ICE2: variants seen among roughly 807,000 people sequenced by gnomAD.
ICE2 encodes the protein little elongation complex subunit 2.
In ICE2, 87 loss-of-function variants were observed where a neutral mutation model predicts 105.4. The ratio of observed to expected loss-of-function variants is 0.83; its 90% CI spans 0.69 to 0.99. The LOEUF (loss-of-function observed/expected upper bound fraction) is 0.99. Ranked by LOEUF, ICE2 falls within the 50% of genes least tolerant of loss-of-function variation. ICE2 has a pLI of 0.00. For synonymous variants in ICE2, 399 were observed against 392.0 expected, an observed-to-expected ratio of 1.02 and a Z score of -0.21; for missense variants, 1,323 against 1,146.7, an observed-to-expected ratio of 1.15 and a Z score of -2.22.
intron 13 of ICE2, among the ~76,000 whole-genome samples, chr15:60,435,483 C>T (rs1442010683): frequency 1.3e-5 from 2 of 151,884 alleles, no homozygotes; most frequent in Non-Finnish European, 2.9e-5. Context: ...CCTGTAATCC[C>T]AGCTACTCAG....
At chr15:60,428,386 A>G (rs1189932124) in intron 15 of ICE2, 43 bp downstream of exon 15, 2 of 1,580,990 alleles carry the variant, frequency 1.3e-6, no homozygotes, top group South Asian at 2.3e-5. Context: ...ATAGACGAAT[A>G]ATAAACAACC....
At chr15:60,468,020 T>G in intron 4 of ICE2, 41 bp downstream of exon 4, 1 of 1,463,486 alleles carries the variant, frequency 6.8e-7, no homozygotes, top group Non-Finnish European at 9.1e-7. Context: ...ATTTCCTAAT[T>G]TTTATTATTT....
rs2064016264 is a variant in ICE2, at chr15:60,453,469, T to A, written c.1125+134A>T. On this transcript the variant is annotated intron_variant, in intron 9 of 15. Coordinates refer to ENST00000261520, the MANE Select transcript of ICE2 (RefSeq NM_024611.6). ...TTAGTTGCCTAAAGTCCAGCTAGACTCGAAATTCAATTTCAGTTTGAATCT... is the reference window on the plus strand; with the variant it reads ...TTAGTTGCCTAAAGTCCAGCTAGACACGAAATTCAATTTCAGTTTGAATCT... 3 of 1,431,978 alleles carry A rather than the reference T, an allele frequency of 2.1e-6. No homozygotes were observed. In the Admixed American group the frequency reaches 8.8e-5, roughly 42 times the overall value. 88.7% of individuals were successfully genotyped at this position (1,431,978 alleles called of 1,614,324 possible). A position where few individuals can be genotyped will look rare whatever the true frequency, so the allele number is the denominator to read the frequency against.
At chr15:60,451,345 T>C (rs1048582675) in intron 9 of ICE2, 1 of 911,580 alleles carries the variant, frequency 1.1e-6, no homozygotes, top group Non-Finnish European at 1.3e-6. Flanking sequence ...TATAAATTAA[T>C]ATACAAAGAA....
At chr15:60,440,819 C>A (rs1248267205) in intron 12 of ICE2, 1 of 152,150 alleles carries the variant, frequency 6.6e-6, no homozygotes, top group Admixed American at 6.6e-5. Flanking sequence ...AATCCCACAA[C>A]CATACAATAT....
At chr15:60,462,302 T>C (rs942731723) in intron 5 of ICE2, among the ~76,000 whole-genome samples, 2 of 152,128 alleles carry the variant, frequency 1.3e-5, no homozygotes, top group Non-Finnish European at 2.9e-5. Flanking sequence ...TTAGTTGACA[T>C]AAAATTTCAG....
chr15:60,430,181 G>A (rs989601378), intron 14 of ICE2, among the ~76,000 whole-genome samples: 2 of 152,104 alleles, frequency 1.3e-5, no homozygotes, highest in South Asian at 4.1e-4. Flanking sequence ...GAAGAAGAAG[G>A]CAGAAGAGAC....
rs185107772 is a variant in ICE2 at position 60,434,347 on chromosome 15, G to A, written c.2510+1796C>T. ...GACTGTACTATCCTTTCCCTTTCCT[G>A]TAATGGAGTAAAACGTTTGCTTCCC... On this transcript the variant is annotated intron_variant, in intron 13 of 15. Coordinates refer to ENST00000261520, the MANE Select transcript of ICE2 (RefSeq NM_024611.6). Among the ~76,000 whole-genome samples, 171 of 152,238 alleles carry A rather than the reference G, an allele frequency of 1.1e-3. 3 individuals carry two copies. The highest frequency in any genetic ancestry group is 3.9e-3 in the African/African-American group (161 of 41,518).
chr15:60,479,118 C>T lies in ICE2; in HGVS notation c.-208G>A. ...AGACCATATTTAAAGGATGTGGCCGCGCCGACTCGGCCCTGCGTGATGACG... is the reference window on the plus strand; with the variant it reads ...AGACCATATTTAAAGGATGTGGCCGTGCCGACTCGGCCCTGCGTGATGACG... On this transcript the variant is annotated 5_prime_UTR_variant, in exon 1 of 16. Transcript: ENST00000261520. 2.4e-6 allele frequency: 1 copy of T among 423,150 alleles called. No individual in the cohort carries two copies. Among genetic ancestry groups the T allele is most frequent in the Admixed American group, 2.4e-5 (1 of 41,076 alleles). 26.2% of individuals were successfully genotyped at this position (423,150 alleles called of 1,614,324 possible).
chr15:60,456,259 T>C (rs2141093500), intron 6 of ICE2, among the ~76,000 whole-genome samples: 1 of 151,348 alleles, frequency 6.6e-6, no homozygotes, highest in South Asian at 2.1e-4. Flanking sequence ...AAAATATACA[T>C]GAGCCAGGTG....
At position 60,449,348 on chromosome 15, in the gene ICE2, T is replaced by A; in HGVS notation, c.1619A>T (p.Glu540Val). 4 of 1,613,312 alleles carry A rather than the reference T, an allele frequency of 2.5e-6. No homozygotes were observed. The highest frequency in any genetic ancestry group is 3.4e-6 in the Non-Finnish European group (4 of 1,179,952). The change falls in exon 10 of 16, where the codon GAA becomes GTA. Residue 540 changes from glutamate to valine, a missense_variant. By Grantham distance (121) the Glu-to-Val change is moderately radical. Coordinates refer to ENST00000261520, the MANE Select transcript of ICE2 (RefSeq NM_024611.6). ...TAGGTTTTCTAGAACATTAGGTCTT[T>A]CACCATCAGCATGTAATATATCTAT... is the stretch of plus-strand genomic sequence containing the variant. ...MTIDILHADGERPNVLENLDN... is the reference protein window; with the variant it reads ...MTIDILHADGVRPNVLENLDN...
chr15:60,452,231 A>G, intron 9 of ICE2: 1 of 934,976 alleles, frequency 1.1e-6, no homozygotes, highest in Non-Finnish European at 1.3e-6. Context: ...GGCAAATGGC[A>G]AAGAGAAAAA....
Position 60,448,889 on chromosome 15 carries a change from G to C in ICE2, c.2078C>G (p.Pro693Arg). The change falls in exon 10 of 16, where the codon CCG (proline) becomes CGG (arginine). Residue 693 changes from proline to arginine, a missense_variant. Coordinates refer to ENST00000261520, the MANE Select transcript of ICE2 (RefSeq NM_024611.6). ...AAATGCAGAAGGCCATCCAGATTTC[G>C]GCCAACTAGAGGAGTCTGAAGGACC... ...LSGPSDSSSW[P>R]KSGWPSAFQK... 2.5e-6 allele frequency: 4 copies of C among 1,599,328 alleles called. No homozygotes were observed. The South Asian group carries it at 4.6e-5, about 18-fold the overall frequency.
At chr15:60,466,111 C>G (rs896371550) in intron 5 of ICE2, among the ~76,000 whole-genome samples, 16 of 152,068 alleles carry the variant, frequency 1.1e-4, no homozygotes, top group South Asian at 2.1e-4. Flanking sequence ...AGGGTACAAG[C>G]TGGGATGATA....
intron 8 of ICE2, chr15:60,454,666 T>C (rs2064052001): frequency 5.6e-6 from 1 of 177,632 alleles, no homozygotes; most frequent in Non-Finnish European, 1.2e-5. Context: ...ACAGCTGAAA[T>C]GAAATGGTTC....
rs1260027660 is a variant in ICE2, at chr15:60,455,349, G to A, written c.760C>T (p.Gln254Ter). The change falls in exon 7 of 16, where the codon CAA becomes TAA. Residue 254 changes from glutamine to a stop codon, truncating the protein, a stop_gained. Coordinates refer to ENST00000261520, the MANE Select transcript of ICE2 (RefSeq NM_024611.6). LOFTEE classifies it high-confidence loss of function. Reference protein sequence around the residue: ...DDIATIETSEQTAEAMHYDIS... With the variant: ...DDIATIETSE ...ACATAATGCATAGCTTCAGCTGTTT[G>A]TTCTGACGTTTCAATGGTAGCTATA... is the stretch of plus-strand genomic sequence containing the variant. 2 of 1,613,022 alleles carry A rather than the reference G, an allele frequency of 1.2e-6. No individual in the cohort carries two copies. Among genetic ancestry groups the A allele is most frequent in the Non-Finnish European group, 1.7e-6 (2 of 1,179,280 alleles).
intron 13 of ICE2, among the ~76,000 whole-genome samples, chr15:60,432,601 A>T (rs1174770272): frequency 6.6e-6 from 1 of 152,022 alleles, no homozygotes. Context: ...ATACTTAAAA[A>T]AAAAACGCTG....
intron 11 of ICE2, among the ~76,000 whole-genome samples, chr15:60,443,529 C>T (rs1165438433): frequency 2.0e-5 from 3 of 152,190 alleles, no homozygotes; most frequent in South Asian, 2.1e-4. Flanking sequence ...TGTGATTTGC[C>T]CTTGAACTAC....
rs1202011880 is a variant in ICE2 at position 60,446,833 on chromosome 15, A to T, written c.2295+1137T>A. On this transcript the variant is annotated intron_variant, in intron 11 of 15. Coordinates refer to ENST00000261520, the MANE Select transcript of ICE2 (RefSeq NM_024611.6). ...TGGTCAGTGATGATTCTTATTGGGC[A>T]GTGGGTTAGATAACAAGAGACAGAG... 2.0e-5 allele frequency among the ~76,000 whole-genome samples: 3 copies of T among 152,232 alleles called. No individual in the cohort carries two copies. The East Asian group carries it at 5.8e-4, about 29-fold the overall frequency.
Sources: gnomAD v4.1 joint callset for allele counts (sites outside exome capture counted in the v4.1 genomes callset) on GRCh38, gnomAD v4.1.1 for gene constraint, MANE v1.5 for transcripts, NCBI Gene and HGNC (gene_info 2026-07-23, HGNC 2026-07-21) for gene names.